The following TSHZ2 variants were observed in gnomAD, a reference collection of about 807,000 sequenced individuals.
TSHZ2 encodes the protein teashirt zinc finger homeobox 2.
In TSHZ2, 21 loss-of-function variants were observed where a neutral mutation model predicts 74.4. The ratio of observed to expected loss-of-function variants is 0.28; its 90% CI spans 0.20 to 0.41. The LOEUF (loss-of-function observed/expected upper bound fraction) is 0.41, where lower values mean the gene tolerates loss of function less well. Ranked by LOEUF, TSHZ2 falls within the 10% of genes least tolerant of loss-of-function variation. TSHZ2 has a pLI of 1.00. For synonymous variants in TSHZ2, 540 were observed against 515.3 expected, an observed-to-expected ratio of 1.05 and a Z score of -0.65; for missense variants, 1,244 against 1,293.5, an observed-to-expected ratio of 0.96 and a Z score of 0.59.
intron 1 of TSHZ2, among the ~76,000 whole-genome samples, chr20:53,079,696 A>G (rs1985472817): frequency 6.6e-6 from 1 of 152,204 alleles, no homozygotes. Flanking sequence ...AACTCTATAA[A>G]TAAATGTATT....
At chr20:53,311,230 C>G (rs1206486349) in intron 2 of TSHZ2, among the ~76,000 whole-genome samples, 1 of 152,174 alleles carries the variant, frequency 6.6e-6, no homozygotes, top group Non-Finnish European at 1.5e-5. Context: ...AAGTACAGTG[C>G]ACTTATTTTG....
chr20:53,356,920 A>C (rs550170118), intron 2 of TSHZ2, among the ~76,000 whole-genome samples: 1 of 152,256 alleles, frequency 6.6e-6, no homozygotes, highest in South Asian at 2.1e-4. Context: ...GAAAAGAATA[A>C]ATTCTAAGCA....
chr20:53,437,191 G>T (rs753139586), intron 2 of TSHZ2, among the ~76,000 whole-genome samples: 1 of 152,184 alleles, frequency 6.6e-6, no homozygotes, highest in Non-Finnish European at 1.5e-5. Context: ...AATCCACTCA[G>T]GCCAGGCACA....
At chr20:53,277,139 G>A (rs1022768252) in intron 2 of TSHZ2, among the ~76,000 whole-genome samples, 2 of 152,144 alleles carry the variant, frequency 1.3e-5, no homozygotes, top group Admixed American at 6.5e-5. Context: ...TGTATTAAGA[G>A]GAATTTCTCA....
At chr20:53,231,586 C>T (rs1343255521) in intron 1 of TSHZ2, among the ~76,000 whole-genome samples, 1 of 152,192 alleles carries the variant, frequency 6.6e-6, no homozygotes, top group Non-Finnish European at 1.5e-5. Context: ...ATGATCTTGA[C>T]ACTGGTCCTT....
chr20:53,094,600 G>C, intron 1 of TSHZ2, among the ~76,000 whole-genome samples: 1 of 152,108 alleles, frequency 6.6e-6, no homozygotes. Context: ...TTCTCCCCAC[G>C]GTGCAGTACA....
chr20:53,148,096 A>C (rs139137107), intron 1 of TSHZ2, among the ~76,000 whole-genome samples: 1 of 152,350 alleles, frequency 6.6e-6, no homozygotes, highest in Non-Finnish European at 1.5e-5. Context: ...TGATAAATAC[A>C]AATGTGTCTT....
At chr20:53,090,574 T>G (rs1342886842) in intron 1 of TSHZ2, among the ~76,000 whole-genome samples, 1 of 152,064 alleles carries the variant, frequency 6.6e-6, no homozygotes. Flanking sequence ...TGGAATGGAG[T>G]GCACCTCTGT....
intron 2 of TSHZ2, among the ~76,000 whole-genome samples, chr20:53,352,546 A>T (rs1980687863): frequency 6.6e-6 from 1 of 151,880 alleles, no homozygotes; most frequent in South Asian, 2.1e-4. Flanking sequence ...GGCCAAGGTG[A>T]GCGGGTCACG....
chr20:53,128,911 T>C (rs1482673115), intron 1 of TSHZ2, among the ~76,000 whole-genome samples: 5 of 152,124 alleles, frequency 3.3e-5, no homozygotes, highest in African/African-American at 1.2e-4. Context: ...TAAGCCACCA[T>C]GCCTGGCTGG....
intron 1 of TSHZ2, among the ~76,000 whole-genome samples, chr20:53,212,586 TC>T (rs1420628977): frequency 2.0e-5 from 3 of 152,176 alleles, no homozygotes; most frequent in African/African-American, 7.2e-5. Flanking sequence ...CTGCTTTCAT[TC>T]AGAGTACAGA....
rs947419326 is a variant in TSHZ2 at position 53,103,115 on chromosome 20, GA to G, written c.40+129789del. 3.7e-4 allele frequency among the ~76,000 whole-genome samples: 56 copies of G among 152,108 alleles called. No individual in the cohort carries two copies. In the East Asian group the frequency reaches 5.2e-3, roughly 14 times the overall value. The stretch of plus-strand genomic sequence containing the variant: ...TTTTTTACTATAGGTCAATTACAAA[GA>G]AAAAAAGTTCTAAAGCCCTGGTGTA... On this transcript the variant is annotated intron_variant, in intron 1 of 2. Transcript: ENST00000371497.
chr20:53,149,510 T>C (rs561659695), intron 1 of TSHZ2, among the ~76,000 whole-genome samples: 5 of 152,268 alleles, frequency 3.3e-5, no homozygotes, highest in African/African-American at 1.2e-4. Flanking sequence ...CATTTAAAGT[T>C]CTTGAGCTGC....
chr20:53,444,554 G>C (rs993577619), intron 2 of TSHZ2, among the ~76,000 whole-genome samples: 7 of 152,194 alleles, frequency 4.6e-5, no homozygotes, highest in African/African-American at 1.7e-4. Context: ...TTTGGCAGGA[G>C]TTAATCACGA....
At position 53,460,839 on chromosome 20, in the gene TSHZ2, T is replaced by TGC. The variant is rs1021144739; in HGVS notation, c.*9-26304_*9-26303dup. Among the ~76,000 whole-genome samples the TGC allele has an allele frequency of 1.1e-3, 165 of 152,170 alleles. 1 individual carries two copies. The highest frequency in any genetic ancestry group is 3.0e-3 in the African/African-American group (124 of 41,508). Reference sequence around the variant, plus strand: ...GTGTCAGTGTGCCCCTGCTGGGGGGTGCCTCCCAGTTAGGCTGCTCGGGGG... The same window carrying TGC: ...GTGTCAGTGTGCCCCTGCTGGGGGGTGCGCCTCCCAGTTAGGCTGCTCGGGGG... On this transcript the variant is annotated intron_variant, in intron 2 of 2. Coordinates refer to ENST00000371497, the MANE Select transcript of TSHZ2 (RefSeq NM_173485.6).
At chr20:53,023,161 G>T (rs991369433) in intron 1 of TSHZ2, among the ~76,000 whole-genome samples, 1 of 152,162 alleles carries the variant, frequency 6.6e-6, no homozygotes, top group Non-Finnish European at 1.5e-5. Flanking sequence ...TAGAAGTCTT[G>T]CTGGTTGAAG....
intron 1 of TSHZ2, among the ~76,000 whole-genome samples, chr20:53,034,171 G>T (rs1035481185): frequency 6.6e-6 from 1 of 152,138 alleles, no homozygotes; most frequent in Non-Finnish European, 1.5e-5. Flanking sequence ...GAGACTTGTG[G>T]GAGCATGGAC....
chr20:52,989,889 C>G (rs1182389284), intron 1 of TSHZ2, among the ~76,000 whole-genome samples: 1 of 150,050 alleles, frequency 6.7e-6, no homozygotes, highest in East Asian at 1.9e-4. Flanking sequence ...TGTTTGGACT[C>G]TAACCAAGTA....
rs1259229370 is a variant in TSHZ2, at chr20:53,439,976, A to G, written c.*9-47168A>G. Reference sequence around the variant, plus strand: ...ATCACATTAGCTCCTGTCACCCTCTATGTACACAAAACAGCAGGAATTCAA... The same window carrying G: ...ATCACATTAGCTCCTGTCACCCTCTGTGTACACAAAACAGCAGGAATTCAA... On this transcript the variant is annotated intron_variant, in intron 2 of 2. Coordinates refer to ENST00000371497, the MANE Select transcript of TSHZ2 (RefSeq NM_173485.6). 3.3e-5 allele frequency among the ~76,000 whole-genome samples: 5 copies of G among 152,220 alleles called. No individual in the cohort carries two copies. The East Asian group carries it at 7.7e-4, about 23-fold the overall frequency.
Sources: gnomAD v4.1 joint callset for allele counts (sites outside exome capture counted in the v4.1 genomes callset) on GRCh38, gnomAD v4.1.1 for gene constraint, MANE v1.5 for transcripts, NCBI Gene and HGNC (gene_info 2026-07-23, HGNC 2026-07-21) for gene names.